COPG2: variants seen among roughly 807,000 people sequenced by gnomAD.
COPG2 encodes coat protein complex I subunit gamma 2.
A neutral mutation model predicts 46.3 loss-of-function variants in COPG2; 37 were observed. The observed-to-expected ratio is 0.80, with a 90% CI of 0.61 to 1.05. COPG2 has a LOEUF of 1.05. COPG2 is among the 50% of genes least tolerant of loss of function. The pLI is 0.00. For synonymous variants in COPG2, 159 were observed against 129.7 expected, an observed-to-expected ratio of 1.23 and a Z score of -1.53; for missense variants, 427 against 387.8, an observed-to-expected ratio of 1.10 and a Z score of -0.85.
Position 130,528,479 on chromosome 7 carries a change from C to T in COPG2, c.2149+19195G>A, listed in dbSNP as rs879112648. On this transcript the variant is annotated intron_variant, in intron 20 of 23. Coordinates refer to ENST00000425248, the MANE Select transcript of COPG2 (RefSeq NM_012133.6). Reference sequence around the variant, plus strand: ...GTGATGCAGAGATGACTGCATCTGGCGGAGCAGCGGGTGCGGGGCCAGGTC... The same window carrying T: ...GTGATGCAGAGATGACTGCATCTGGTGGAGCAGCGGGTGCGGGGCCAGGTC... 9.4e-3 allele frequency among the ~76,000 whole-genome samples: 1,433 copies of T among 151,830 alleles called. 8 individuals carry two copies. The highest frequency in any genetic ancestry group is 0.013 in the Non-Finnish European group (908 of 67,934).
At chr7:130,565,042 A>T (rs1325907859) in intron 9 of COPG2, among the ~76,000 whole-genome samples, 4 of 152,236 alleles carry the variant, frequency 2.6e-5, no homozygotes, top group Non-Finnish European at 5.9e-5. Flanking sequence ...AATTTGAGAA[A>T]TGAGATGTCC....
intron 20 of COPG2, among the ~76,000 whole-genome samples, chr7:130,523,146 G>A (rs1280108633): frequency 1.3e-5 from 1 of 78,684 alleles, no homozygotes; most frequent in Non-Finnish European, 2.7e-5. Context: ...AAGGCTCCAG[G>A]CCTCAAACGG....
At chr7:130,598,233 C>T (rs1554449948) in intron 9 of COPG2, among the ~76,000 whole-genome samples, 1 of 152,116 alleles carries the variant, frequency 6.6e-6, no homozygotes, top group Non-Finnish European at 1.5e-5. Context: ...TATTACCCAG[C>T]AGTACACCTG....
intron 20 of COPG2, among the ~76,000 whole-genome samples, chr7:130,533,920 T>C (rs1799853361): frequency 8.5e-6 from 1 of 117,516 alleles, no homozygotes. Flanking sequence ...GTGATGTTGA[T>C]GGAAAAAGAA....
At chr7:130,573,767 G>T (rs1042060614) in intron 9 of COPG2, among the ~76,000 whole-genome samples, 2 of 152,068 alleles carry the variant, frequency 1.3e-5, no homozygotes, top group East Asian at 1.9e-4. Flanking sequence ...TACATGTGAA[G>T]GTTTGTTCAT....
intron 9 of COPG2, among the ~76,000 whole-genome samples, chr7:130,599,650 A>G (rs2116478321): frequency 6.6e-6 from 1 of 152,292 alleles, no homozygotes; most frequent in South Asian, 2.1e-4. Context: ...AAGAAAAAAA[A>G]AAGAAGACAC....
chr7:130,509,762 T>C (rs781988602), intron 20 of COPG2: 1 of 517,368 alleles, frequency 1.9e-6, no homozygotes, highest in Non-Finnish European at 3.9e-6. Flanking sequence ...TGTGTGTGTG[T>C]GATCTATCTA....
At chr7:130,640,131 G>A (rs13232819) in intron 5 of COPG2, among the ~76,000 whole-genome samples, 92,528 of 144,648 alleles carry the variant, frequency 0.64, 32,261 homozygotes, top group Non-Finnish European at 0.78. Context: ...TTCTCCCCCA[G>A]CTCTCCAGCT....
intron 9 of COPG2, among the ~76,000 whole-genome samples, chr7:130,592,314 T>C (rs559767740): frequency 1.0e-3 from 154 of 152,042 alleles, no homozygotes; most frequent in African/African-American, 3.4e-3. Flanking sequence ...CTTTGTTTAC[T>C]TGTTTATCTG....
intron 6 of COPG2, among the ~76,000 whole-genome samples, chr7:130,614,834 T>C (rs193140764): frequency 4.5e-4 from 68 of 152,296 alleles, no homozygotes; most frequent in African/African-American, 1.5e-3. Context: ...ATCTGGAAAT[T>C]TATTCCTTTA....
chr7:130,667,058 C>T (rs1554461585), intron 2 of COPG2, 129 bp from the exon 3 acceptor site: 1 of 587,372 alleles, frequency 1.7e-6, no homozygotes, highest in Admixed American at 3.6e-5. Flanking sequence ...TCTCAATTTA[C>T]TAAGGTATCT....
intron 5 of COPG2, among the ~76,000 whole-genome samples, chr7:130,624,533 G>A (rs188359712): frequency 4.3e-4 from 65 of 151,964 alleles, no homozygotes; most frequent in Admixed American, 1.8e-3. Context: ...CAGTGTACAC[G>A]GTACCCAATA....
chr7:130,538,668 C>T lies in COPG2; in HGVS notation c.2149+9006G>A, dbSNP rs1034812542. ...GCATGGAACGTACTGGCAGGTAAACCTTGGGGGCTGGGGGCCTGGGAGGGG... is the reference window on the plus strand; with the variant it reads ...GCATGGAACGTACTGGCAGGTAAACTTTGGGGGCTGGGGGCCTGGGAGGGG... On this transcript the variant is annotated intron_variant, in intron 20 of 23. Transcript: ENST00000425248. 5.9e-5 allele frequency among the ~76,000 whole-genome samples: 5 copies of T among 84,746 alleles called. 1 individual carries two copies. In the Admixed American group the frequency reaches 6.4e-4, roughly 11 times the overall value. The allele number at this position is 84,746 out of a possible 152,430, so 55.6% of individuals were successfully genotyped here.
intron 9 of COPG2, chr7:130,605,087 A>G (rs1794704062): frequency 2.2e-6 from 1 of 452,134 alleles, no homozygotes; most frequent in Non-Finnish European, 4.3e-6. Context: ...TTCCAATTAC[A>G]TATGTGTTAG....
intron 9 of COPG2, among the ~76,000 whole-genome samples, chr7:130,569,450 A>T (rs1299359636): frequency 6.6e-6 from 1 of 152,140 alleles, no homozygotes; most frequent in African/African-American, 2.4e-5. Flanking sequence ...CAAACCAGAA[A>T]ATCTAGAGGT....
At chr7:130,577,630 G>C (rs566459846) in intron 9 of COPG2, among the ~76,000 whole-genome samples, 1 of 151,254 alleles carries the variant, frequency 6.6e-6, no homozygotes, top group Admixed American at 6.6e-5. Flanking sequence ...GCGCGGTGGC[G>C]GGCGCCTGTA....
At position 130,583,517 on chromosome 7, in the gene COPG2, A is replaced by G. The variant is rs1406461702; in HGVS notation, c.738-19124T>C. 6.1e-5 allele frequency among the ~76,000 whole-genome samples: 9 copies of G among 148,732 alleles called. 1 individual carries two copies. The highest frequency in any genetic ancestry group is 9.8e-5 in the African/African-American group (4 of 40,826). On this transcript the variant is annotated intron_variant, in intron 9 of 23. Coordinates refer to ENST00000425248, the MANE Select transcript of COPG2 (RefSeq NM_012133.6). ...ATAAAAAAAAAAAAAAAAAAAAAAA[A>G]AAGCCCAGGCCTGGTGCAGTGGCTC...
chr7:130,625,783 TTC>T (rs1476411028), intron 5 of COPG2, among the ~76,000 whole-genome samples: 2 of 152,126 alleles, frequency 1.3e-5, no homozygotes, highest in Non-Finnish European at 2.9e-5. Flanking sequence ...CCTCATTAAT[TTC>T]TGTTTTTATC....
At chr7:130,626,060 G>A (rs1554454241) in intron 5 of COPG2, among the ~76,000 whole-genome samples, 18 of 152,202 alleles carry the variant, frequency 1.2e-4, no homozygotes, top group Non-Finnish European at 1.5e-5. Flanking sequence ...TCACATCAGG[G>A]TAATTAGCAC....
Sources: allele counts gnomAD v4.1 joint callset (sites outside exome capture counted in the v4.1 genomes callset), GRCh38; gene constraint gnomAD v4.1.1; transcripts MANE v1.5; gene names NCBI Gene and HGNC (gene_info 2026-07-23, HGNC 2026-07-21).